Variants in PSD3 observed in about 807,000 individuals in gnomAD.
PSD3 encodes pleckstrin and Sec7 domain containing 3.
A neutral mutation model predicts 105.5 loss-of-function variants in PSD3; 49 were observed. The ratio of observed to expected loss-of-function variants is 0.46; its 90% confidence interval spans 0.37 to 0.59. PSD3 has a LOEUF of 0.59. PSD3 is among the 20% of genes least tolerant of loss of function. The pLI is 0.00. For missense variants in PSD3, 1,561 were observed against 1,263.8 expected, an observed-to-expected ratio of 1.24 and a Z score of -3.57; for synonymous variants, 557 against 457.8, an observed-to-expected ratio of 1.22 and a Z score of -2.77.
Position 18,535,739 on chromosome 8 carries a change from G to T in PSD3, c.*4C>A. On this transcript the variant is annotated 3_prime_UTR_variant, in exon 16 of 16. Coordinates refer to ENST00000327040, the MANE Select transcript of PSD3 (RefSeq NM_015310.4). ...GACCAGCACTTCCTGGCCGCAGATG[G>T]ACTCTAAGTAACTTTTTGCTTAATG... The T allele has an allele frequency of 1.2e-6, 2 of 1,601,738 alleles. No homozygotes were observed. Among genetic ancestry groups the T allele is most frequent in the South Asian group, 1.1e-5 (1 of 90,838 alleles).
At chr8:18,752,533 T>C (rs1374221039) in intron 9 of PSD3, among the ~76,000 whole-genome samples, 12 of 22,660 alleles carry the variant, frequency 5.3e-4, no homozygotes, top group Admixed American at 4.9e-3. Context: ...TATATAATTA[T>C]ATATTATATA....
At chr8:18,865,942 C>T (rs537072638) in intron 4 of PSD3, among the ~76,000 whole-genome samples, 1 of 152,314 alleles carries the variant, frequency 6.6e-6, no homozygotes, top group East Asian at 1.9e-4. Flanking sequence ...ACCTCCTGTT[C>T]TAAGTGCACA....
At chr8:18,865,276 ATATATATATATTTTTTTTTTTTT>A (rs1816831066) in intron 4 of PSD3, 1 of 2,056 alleles carries the variant, frequency 4.9e-4, no homozygotes, top group African/African-American at 1.9e-3. Context: ...ATATATATAT[ATATATATATATTTTTTTTTTTTT>A]TTTTTTTTTT....
At chr8:18,629,501 G>C (rs1007191787) in intron 11 of PSD3, among the ~76,000 whole-genome samples, 6 of 151,914 alleles carry the variant, frequency 3.9e-5, no homozygotes, top group African/African-American at 1.4e-4. Context: ...CCAAATAATG[G>C]AATACTTATT....
chr8:18,612,554 G>T (rs1046584122), intron 11 of PSD3, among the ~76,000 whole-genome samples: 1 of 152,028 alleles, frequency 6.6e-6, no homozygotes, highest in African/African-American at 2.4e-5. Context: ...TTGTATTTTA[G>T]TAGAGATGGG....
At chr8:18,648,433 T>G (rs1808220687) in intron 10 of PSD3, among the ~76,000 whole-genome samples, 2 of 152,196 alleles carry the variant, frequency 1.3e-5, no homozygotes. Flanking sequence ...AATTTTGAAC[T>G]TGAGAGTGAT....
At chr8:18,963,546 G>A (rs187409980) in intron 1 of PSD3, among the ~76,000 whole-genome samples, 164 of 152,136 alleles carry the variant, frequency 1.1e-3, no homozygotes, top group Non-Finnish European at 1.9e-3. Flanking sequence ...CTCTCAAACC[G>A]ATTCAGAGGG....
intron 8 of PSD3, among the ~76,000 whole-genome samples, chr8:18,787,084 C>T (rs115999943): frequency 4.6e-5 from 7 of 152,278 alleles, no homozygotes; most frequent in Non-Finnish European, 8.8e-5. Flanking sequence ...CACTACTCAA[C>T]GAATAAAGCA....
Position 19,028,247 on chromosome 8 carries a change from C to T in PSD3, c.324+55959G>A, listed in dbSNP as rs1044612563. On this transcript the variant is annotated intron_variant, in intron 1 of 1. Transcript: ENST00000521475. Reference sequence around the variant, plus strand: ...TTTGTGTGTCTTCTTTCATAAAGTGCCTGTTTCAATCTTTTGCCACCTCTC... The same window carrying T: ...TTTGTGTGTCTTCTTTCATAAAGTGTCTGTTTCAATCTTTTGCCACCTCTC... 2.0e-5 allele frequency among the ~76,000 whole-genome samples: 3 copies of T among 149,880 alleles called. 1 individual carries two copies. The highest frequency in any genetic ancestry group is 4.2e-4 in the South Asian group (2 of 4,742).
At chr8:18,666,187 A>C (rs1159492474) in intron 9 of PSD3, among the ~76,000 whole-genome samples, 1 of 152,152 alleles carries the variant, frequency 6.6e-6, no homozygotes, top group African/African-American at 2.4e-5. Flanking sequence ...AGTAGCTGGA[A>C]TTATAGGGGC....
chr8:18,680,929 T>C (rs1800351573), intron 9 of PSD3, among the ~76,000 whole-genome samples: 1 of 152,190 alleles, frequency 6.6e-6, no homozygotes, highest in African/African-American at 2.4e-5. Context: ...ACACTTTTTT[T>C]CAAATGAATA....
intron 9 of PSD3, among the ~76,000 whole-genome samples, chr8:18,755,384 T>C (rs1338934087): frequency 1.3e-5 from 2 of 151,850 alleles, no homozygotes; most frequent in Non-Finnish European, 2.9e-5. Context: ...GAGCCGAGAT[T>C]GTACCACTGC....
intron 9 of PSD3, among the ~76,000 whole-genome samples, chr8:18,705,559 AT>A (rs1484097721): frequency 2.2e-4 from 29 of 132,522 alleles, no homozygotes; most frequent in Admixed American, 8.4e-4. Flanking sequence ...AAAAAAAAAA[AT>A]TCGTTAAATA....
chr8:18,774,757 C>A lies in PSD3; in HGVS notation c.2083-9219G>T. On this transcript the variant is annotated intron_variant, in intron 8 of 15. Coordinates refer to ENST00000327040, the MANE Select transcript of PSD3 (RefSeq NM_015310.4). The stretch of plus-strand genomic sequence containing the variant: ...TGGCTAATGACGGTGAGAACACAGG[C>A]AACAGATTTGGAAATGACTACAATC... 6 of 386,430 alleles carry A rather than the reference C, an allele frequency of 1.6e-5. 1 individual carries two copies. Among genetic ancestry groups the A allele is most frequent in the South Asian group, 1.2e-4 (6 of 52,094 alleles). 23.9% of individuals were successfully genotyped at this position (386,430 alleles called of 1,614,324 possible).
At chr8:18,906,931 C>T (rs979013406) in intron 2 of PSD3, among the ~76,000 whole-genome samples, 2 of 152,046 alleles carry the variant, frequency 1.3e-5, no homozygotes, top group African/African-American at 2.4e-5. Flanking sequence ...ATGTGTGTTT[C>T]TGTGTCTTCA....
At chr8:18,600,615 T>C (rs990261335) in intron 11 of PSD3, among the ~76,000 whole-genome samples, 181 bp from the exon 12 acceptor site, 1 of 152,190 alleles carries the variant, frequency 6.6e-6, no homozygotes, top group Non-Finnish European at 1.5e-5. Context: ...ATGTTTTCCA[T>C]ATACGATCTT....
At chr8:18,942,267 T>C (rs942757245) in intron 1 of PSD3, among the ~76,000 whole-genome samples, 2 of 152,178 alleles carry the variant, frequency 1.3e-5, no homozygotes, top group Admixed American at 6.5e-5. Context: ...AATTAAAGAC[T>C]ATAAAATAAT....
At chr8:18,865,140 T>G (rs1429870117) in intron 4 of PSD3, 1 of 149,798 alleles carries the variant, frequency 6.7e-6, no homozygotes, top group Admixed American at 6.7e-5. Flanking sequence ...GCCAGACAAC[T>G]TGAATTCTAC....
chr8:18,808,995 G>A, intron 4 of PSD3: 1 of 1,266,928 alleles, frequency 7.9e-7, no homozygotes. Context: ...AAAAACAGCA[G>A]CCAGAACACA....
Sources: gnomAD v4.1 joint callset for allele counts (sites outside exome capture counted in the v4.1 genomes callset) on GRCh38, gnomAD v4.1.1 for gene constraint, MANE v1.5 for transcripts, NCBI Gene and HGNC (gene_info 2026-07-23, HGNC 2026-07-21) for gene names.